Variants in STOX2 observed in about 807,000 individuals in gnomAD.
The protein encoded by STOX2 is storkhead box 2.
A neutral mutation model predicts 60.9 loss-of-function variants in STOX2; 28 were observed. The ratio of observed to expected loss-of-function variants is 0.46; its 90% CI spans 0.34 to 0.63. The LOEUF (loss-of-function observed/expected upper bound fraction) is 0.63, where lower values mean the gene tolerates loss of function less well. Among genes scored for constraint, STOX2 ranks in the 30% least tolerant of loss-of-function variants. STOX2 has a pLI of 0.01. For synonymous variants in STOX2, 472 were observed against 463.9 expected (o/e 1.02, Z -0.22); for missense variants, 1,024 against 1,187.7 (o/e 0.86, Z 2.03).
intron 1 of STOX2, among the ~76,000 whole-genome samples, chr4:183,947,716 A>G (rs1742937823): frequency 6.6e-6 from 1 of 152,016 alleles, no homozygotes; most frequent in African/African-American, 2.4e-5. Context: ...CTCCTTCCTG[A>G]AGACTCCTTC....
intron 1 of STOX2, among the ~76,000 whole-genome samples, chr4:183,803,136 C>T (rs191998101): frequency 6.6e-6 from 1 of 152,302 alleles, no homozygotes; most frequent in East Asian, 1.9e-4. Context: ...ACCATCAGAT[C>T]TCGTGAAACC....
At chr4:183,981,498 T>G (rs1732657113) in intron 1 of STOX2, among the ~76,000 whole-genome samples, 1 of 152,016 alleles carries the variant, frequency 6.6e-6, no homozygotes, top group Non-Finnish European at 1.5e-5. Flanking sequence ...ATCCAAATGC[T>G]GTGTAATAAA....
intron 1 of STOX2, among the ~76,000 whole-genome samples, chr4:183,938,869 A>G (rs563610259): frequency 1.6e-4 from 25 of 152,264 alleles, no homozygotes; most frequent in African/African-American, 5.5e-4. Context: ...CCGTTGCTAC[A>G]TTTCATCAGC....
At chr4:183,979,857 A>G (rs1388401949) in intron 1 of STOX2, among the ~76,000 whole-genome samples, 1 of 152,184 alleles carries the variant, frequency 6.6e-6, no homozygotes, top group Non-Finnish European at 1.5e-5. Context: ...CTTATATTTC[A>G]GGTCTTATGT....
intron 3 of STOX2, chr4:184,014,039 C>T (rs1179264134): frequency 2.0e-5 from 3 of 150,802 alleles, no homozygotes; most frequent in Non-Finnish European, 4.4e-5. Flanking sequence ...CCAGCCCTGA[C>T]ATGAAAATCT....
chr4:183,932,377 CAGTATATGTAT>C (rs1742456927), intron 1 of STOX2, among the ~76,000 whole-genome samples: 1 of 18,108 alleles, frequency 5.5e-5, no homozygotes, highest in East Asian at 6.0e-4. Flanking sequence ...TGTATACATA[CAGTATATGTAT>C]GTATACATAC....
intron 1 of STOX2, among the ~76,000 whole-genome samples, chr4:183,879,122 GTGT>G (rs1271700794): frequency 6.6e-6 from 1 of 152,164 alleles, no homozygotes; most frequent in African/African-American, 2.4e-5. Flanking sequence ...TATTATTTTA[GTGT>G]TTGAAGATTA....
At chr4:183,871,454 A>C (rs997490996) in intron 1 of STOX2, among the ~76,000 whole-genome samples, 1 of 152,190 alleles carries the variant, frequency 6.6e-6, no homozygotes, top group African/African-American at 2.4e-5. Context: ...TTAATCTCCT[A>C]GTCACTTTAG....
upstream of STOX2, chr4:183,905,214 C>T (rs542551219): frequency 6.6e-6 from 1 of 152,264 alleles, no homozygotes; most frequent in African/African-American, 2.4e-5. Flanking sequence ...GCCCGCGTCC[C>T]GGGCCCAGCG....
chr4:183,875,783 T>TG (rs1364279259), intron 1 of STOX2, among the ~76,000 whole-genome samples: 16 of 152,234 alleles, frequency 1.1e-4, no homozygotes, highest in African/African-American at 3.6e-4. Flanking sequence ...AGTGCCATGA[T>TG]GGTGGCCCAC....
chr4:183,819,138 G>T (rs554416952), intron 1 of STOX2, among the ~76,000 whole-genome samples: 11 of 152,254 alleles, frequency 7.2e-5, no homozygotes, highest in African/African-American at 2.4e-4. Context: ...CTTCCCAGAG[G>T]GGGTGGCAGC....
rs577422795 is a variant in STOX2, at chr4:183,856,231, C to T, written c.364+58176C>T. Among the ~76,000 whole-genome samples the T allele has an allele frequency of 3.3e-5, 5 of 152,190 alleles. No individual in the cohort carries two copies. The highest frequency in any genetic ancestry group is 1.3e-4 in the Admixed American group (2 of 15,286). ...GGACCCAAGAGTCCAGAAAGGCTCA[C>T]GGCCCCTTTCACACATGTCGACATT... On this transcript the variant is annotated intron_variant, in intron 1 of 2. Transcript: ENST00000513034. This position sits in a 1 kb window ranked among gnomAD's most constrained non-coding sequence, Gnocchi z 4.0.
intron 3 of STOX2, among the ~76,000 whole-genome samples, chr4:184,013,337 G>T (rs1734238274): frequency 6.6e-6 from 1 of 152,146 alleles, no homozygotes; most frequent in Non-Finnish European, 1.5e-5. Flanking sequence ...GCAGAATATA[G>T]AATTTATGAC....
rs1206418124 is a variant in STOX2 at position 183,821,523 on chromosome 4, G to A, written c.364+23468G>A. Among the ~76,000 whole-genome samples, 3 of 152,220 alleles carry A rather than the reference G, an allele frequency of 2.0e-5. No homozygotes were observed. Among genetic ancestry groups the A allele is most frequent in the Non-Finnish European group, 4.4e-5 (3 of 68,040 alleles). On this transcript the variant is annotated intron_variant, in intron 1 of 2. Coordinates refer to the STOX2 transcript ENST00000513034. The surrounding 1 kb of genome is among the most constrained non-coding windows in gnomAD (Gnocchi z 4.2). The stretch of plus-strand genomic sequence containing the variant: ...GAGAATGCGGGTGATCCCAACCCTT[G>A]CTGCGAAGGTCATTGCTCACAGCTC...
chr4:183,856,966 G>A lies in STOX2; in HGVS notation c.364+58911G>A, dbSNP rs1189435489. 6.6e-6 allele frequency among the ~76,000 whole-genome samples: 1 copy of A among 152,146 alleles called. No individual in the cohort carries two copies. The highest frequency in any genetic ancestry group is 1.5e-5 in the Non-Finnish European group (1 of 68,028). On this transcript the variant is annotated intron_variant, in intron 1 of 2. Transcript: ENST00000513034. This position sits in a 1 kb window ranked among gnomAD's most constrained non-coding sequence, Gnocchi z 4.0. ...TGAAGAGGCAGGGAGGGAGATGAGTGGATAATTAGATTAAATTGTGTGGTA... is the reference window on the plus strand; with the variant it reads ...TGAAGAGGCAGGGAGGGAGATGAGTAGATAATTAGATTAAATTGTGTGGTA...
chr4:183,938,710 A>G (rs1742663073), intron 1 of STOX2, among the ~76,000 whole-genome samples: 1 of 151,614 alleles, frequency 6.6e-6, no homozygotes, highest in Admixed American at 6.6e-5. Flanking sequence ...TTTATTCCCA[A>G]AGTTCACTCT....
intron 1 of STOX2, among the ~76,000 whole-genome samples, chr4:183,963,043 C>A (rs550850241): frequency 5.9e-5 from 9 of 152,262 alleles, no homozygotes; most frequent in African/African-American, 2.2e-4. Flanking sequence ...CAGACAAAAT[C>A]TTAATTCTTC....
rs1271749058 is a variant in STOX2, at chr4:184,010,769, C to T, written c.1931C>T (p.Pro644Leu). 1 of 1,581,338 alleles carries T rather than the reference C, an allele frequency of 6.3e-7. No homozygotes were observed. Among genetic ancestry groups the T allele is most frequent in the Admixed American group, 1.8e-5 (1 of 56,384 alleles). ...KKLSPSDRQV[P>L]HSSREPVGHK... ...CTCTCCCCTTCTGATAGGCAGGTCC[C>T]CCACTCCTCCAGGGAGCCTGTGGGG... is the stretch of plus-strand genomic sequence containing the variant. The change falls in exon 3 of 4, where the codon CCC (proline) becomes CTC (leucine). Residue 644 changes from proline (P) to leucine (L), a missense_variant. Pro to Leu is a moderately conservative substitution (Grantham distance 98). Transcript: ENST00000308497. This position sits in a 1 kb window ranked among gnomAD's most constrained non-coding sequence, Gnocchi z 4.5.
intron 1 of STOX2, among the ~76,000 whole-genome samples, chr4:183,879,239 T>C (rs1022702123): frequency 1.3e-5 from 2 of 152,162 alleles, no homozygotes; most frequent in African/African-American, 4.8e-5. Context: ...ACTGCCACCC[T>C]CTCTCTCACC....
Sources: allele counts gnomAD v4.1 joint callset (sites outside exome capture counted in the v4.1 genomes callset), GRCh38; gene constraint gnomAD v4.1.1; non-coding constraint Gnocchi (gnomAD v3.1); transcripts MANE v1.5; gene names NCBI Gene and HGNC (gene_info 2026-07-23, HGNC 2026-07-21).